CABLES1: variants seen among roughly 807,000 people sequenced by gnomAD.
CABLES1 encodes Cdk5 and Abl enzyme substrate 1.
Under a neutral mutation model 57.8 loss-of-function variants are expected in CABLES1, and 36 were observed. That is an observed-to-expected ratio of 0.62 (90% CI 0.48 to 0.82). CABLES1 has a LOEUF of 0.82. CABLES1 is among the 40% of genes least tolerant of loss of function. CABLES1 has a pLI of 0.00. For synonymous variants in CABLES1, 374 were observed against 363.0 expected (o/e 1.03, Z -0.35); for missense variants, 767 against 836.6 (o/e 0.92, Z 1.03).
intron 1 of CABLES1, among the ~76,000 whole-genome samples, chr18:23,167,124 G>A (rs745999850): frequency 5.9e-5 from 9 of 152,122 alleles, no homozygotes; most frequent in Middle Eastern, 3.4e-3. Flanking sequence ...CATCATCAGC[G>A]GAAATTATTT....
At chr18:23,169,467 G>A (rs1471182001) in intron 1 of CABLES1, among the ~76,000 whole-genome samples, 3 of 152,086 alleles carry the variant, frequency 2.0e-5, no homozygotes, top group Non-Finnish European at 2.9e-5. Context: ...CTGAAGACCC[G>A]CTATTATGGT....
rs765344432 is a variant in CABLES1 at position 23,201,885 on chromosome 18, G to A, written c.1010+7345G>A. Among the ~76,000 whole-genome samples, 52 of 151,348 alleles carry A rather than the reference G, an allele frequency of 3.4e-4. 1 individual carries two copies. Among genetic ancestry groups the A allele is most frequent in the Admixed American group, 6.6e-5 (1 of 15,262 alleles). ...AATGGGGAGACCTGACAGTGGAGGT[G>A]TGAGGGAGGTGAGGGAGGTGAGGGA... On this transcript the variant is annotated intron_variant, in intron 3 of 9. Coordinates refer to ENST00000256925, the MANE Select transcript of CABLES1 (RefSeq NM_001100619.3).
chr18:23,233,809 T>G (rs553782331), intron 4 of CABLES1, among the ~76,000 whole-genome samples: 24 of 152,252 alleles, frequency 1.6e-4, no homozygotes, highest in Non-Finnish European at 2.9e-4. Context: ...TAGAAGTGAC[T>G]ACTGTGGCAT....
Position 23,235,937 on chromosome 18 carries a change from G to A in CABLES1, c.1228G>A (p.Gly410Arg), listed in dbSNP as rs183659135. 1 of 1,614,168 alleles carries A rather than the reference G, an allele frequency of 6.2e-7. No individual in the cohort carries two copies. Among genetic ancestry groups the A allele is most frequent in the African/African-American group, 1.3e-5 (1 of 75,030 alleles). ...ATTTCTGTTACCCACAAATGCCTTT[G>A]GAGCCCGGAGAAATACCATAGACTC... ...TQFLLPTNAFGARRNTIDSTS... is the reference protein window; with the variant it reads ...TQFLLPTNAFRARRNTIDSTS... The change falls in exon 6 of 10, where the codon GGA becomes AGA. Residue 410 changes from glycine (G) to arginine (R), a missense_variant. Physicochemically the swap from Gly to Arg is moderately radical, Grantham distance 125. Transcript: ENST00000256925.
At position 23,136,132 on chromosome 18, in the gene CABLES1, G is replaced by A. The variant is rs1315705998; in HGVS notation, c.370G>A (p.Ala124Thr). ...GCGGGGCGGCTGCATCGCGCTCGCC[G>A]CGCCGGGCACGCCGGCTGCGGGGTT... ...AERGGCIALA[A>T]PGTPAAGLAA... Residue 124 changes from alanine (A) to threonine (T), a missense_variant, in exon 1 of 10, where the codon GCG (alanine) becomes ACG (threonine). By Grantham distance (58) the Ala-to-Thr change is moderately conservative (BLOSUM62 0). Transcript: ENST00000256925. The A allele has an allele frequency of 1.7e-6, 2 of 1,198,424 alleles. No individual in the cohort carries two copies. The highest frequency in any genetic ancestry group is 2.1e-6 in the Non-Finnish European group (2 of 966,846). The allele number at this position is 1,198,424 out of a possible 1,614,324, so 74.2% of individuals were successfully genotyped here.
chr18:23,257,344 A>C lies in CABLES1; in HGVS notation c.1879A>C (p.Arg627=), dbSNP rs369520499. ...LPEHEVMPHY[R]RLVQSS ...CGAGCACGAAGTCATGCCCCACTAC[A>C]GACGGCTGGTCCAGAGTTCCTAGCA... Residue 627 remains arginine, a synonymous_variant, in exon 10 of 10, where the codon AGA becomes CGA. Coordinates refer to ENST00000256925, the MANE Select transcript of CABLES1 (RefSeq NM_001100619.3). 4 of 1,610,834 alleles carry C rather than the reference A, an allele frequency of 2.5e-6. No homozygotes were observed. Among genetic ancestry groups the C allele is most frequent in the South Asian group, 1.1e-5 (1 of 90,360 alleles).
At chr18:23,234,173 G>A (rs1234798066) in intron 4 of CABLES1, among the ~76,000 whole-genome samples, 2 of 152,168 alleles carry the variant, frequency 1.3e-5, no homozygotes, top group Non-Finnish European at 2.9e-5. Flanking sequence ...AGCCGAGATC[G>A]TGCCATTGCA....
chr18:23,142,350 C>T (rs1325706985), intron 1 of CABLES1, among the ~76,000 whole-genome samples: 1 of 151,966 alleles, frequency 6.6e-6, no homozygotes, highest in East Asian at 1.9e-4. Context: ...TGTTAGGAGG[C>T]CATCCAAGCA....
chr18:23,200,479 G>T (rs764690598), intron 3 of CABLES1, among the ~76,000 whole-genome samples: 33 of 152,080 alleles, frequency 2.2e-4, no homozygotes, highest in African/African-American at 6.5e-4. Context: ...AGCCAGGAAG[G>T]TCTCGATCTC....
intron 7 of CABLES1, among the ~76,000 whole-genome samples, chr18:23,244,946 G>A (rs1021036263): frequency 7.2e-5 from 11 of 152,214 alleles, no homozygotes; most frequent in African/African-American, 2.4e-4. Context: ...GAAGGAGGCC[G>A]GAGCTTTATC....
At chr18:23,158,749 C>A (rs1309453800) in intron 1 of CABLES1, among the ~76,000 whole-genome samples, 1 of 152,140 alleles carries the variant, frequency 6.6e-6, no homozygotes, top group Admixed American at 6.5e-5. Context: ...ATAGTCCCTG[C>A]CTCGAACGTG....
At chr18:23,248,538 T>TTTTTTAA (rs1555671608) in intron 7 of CABLES1, among the ~76,000 whole-genome samples, 4 of 93,602 alleles carry the variant, frequency 4.3e-5, no homozygotes, top group African/African-American at 1.4e-4. Flanking sequence ...TTTTTTTTTT[T>TTTTTTAA]AAAAAAAGGC....
At chr18:23,140,680 C>T (rs2046852492) in intron 1 of CABLES1, among the ~76,000 whole-genome samples, 1 of 152,150 alleles carries the variant, frequency 6.6e-6, no homozygotes, top group Non-Finnish European at 1.5e-5. Flanking sequence ...TCAGGTGATC[C>T]ACCTACCTCG....
intron 1 of CABLES1, among the ~76,000 whole-genome samples, chr18:23,181,950 G>A (rs1319720916): frequency 1.3e-5 from 2 of 152,166 alleles, no homozygotes; most frequent in South Asian, 4.1e-4. Context: ...CTGTGTACTT[G>A]AGGTATCCAA....
intron 7 of CABLES1, among the ~76,000 whole-genome samples, chr18:23,244,964 G>T (rs2047837935): frequency 6.6e-6 from 1 of 152,224 alleles, no homozygotes. Context: ...ATCCGCCCTA[G>T]AGCGGAAGTA....
intron 1 of CABLES1, among the ~76,000 whole-genome samples, chr18:23,137,623 C>T (rs1284500402): frequency 6.6e-6 from 1 of 152,212 alleles, no homozygotes; most frequent in Non-Finnish European, 1.5e-5. Context: ...TAGAATTTCT[C>T]TCTCCTATCA....
chr18:23,226,517 G>A (rs1598840533), intron 4 of CABLES1, among the ~76,000 whole-genome samples: 1 of 152,066 alleles, frequency 6.6e-6, no homozygotes, highest in Non-Finnish European at 1.5e-5. Context: ...TTGCTTCTAT[G>A]ACCCGAGCTC....
intron 7 of CABLES1, among the ~76,000 whole-genome samples, chr18:23,250,142 A>C (rs1387129841): frequency 6.6e-6 from 1 of 152,220 alleles, no homozygotes; most frequent in Non-Finnish European, 1.5e-5. Flanking sequence ...TCCCACAGGC[A>C]CTTCAACAGA....
At chr18:23,242,386 C>G (rs955165848) in intron 7 of CABLES1, among the ~76,000 whole-genome samples, 2 of 152,162 alleles carry the variant, frequency 1.3e-5, no homozygotes, top group Non-Finnish European at 2.9e-5. Flanking sequence ...GTTGAGCCAC[C>G]TGGCTACGTG....
Sources: gnomAD v4.1 joint callset for allele counts (sites outside exome capture counted in the v4.1 genomes callset) on GRCh38, gnomAD v4.1.1 for gene constraint, MANE v1.5 for transcripts, NCBI Gene and HGNC (gene_info 2026-07-23, HGNC 2026-07-21) for gene names.